Variants in DLG2 observed in about 807,000 individuals in gnomAD.
DLG2 encodes discs large MAGUK scaffold protein 2, also known as disks large homolog 2.
A neutral mutation model predicts 132.5 loss-of-function variants in DLG2; 45 were observed. That is an observed-to-expected ratio of 0.34 (90% CI 0.27 to 0.44). DLG2 has a LOEUF of 0.44. Ranked by LOEUF, DLG2 falls within the 20% of genes least tolerant of loss-of-function variation. The probability of loss-of-function intolerance (pLI) is 1.00; values close to 1 mark genes in which losing one functional copy is unlikely to be tolerated. For synonymous variants in DLG2, 424 were observed against 419.6 expected, an observed-to-expected ratio of 1.01 and a Z score of -0.13; for missense variants, 1,045 against 1,196.9, an observed-to-expected ratio of 0.87 and a Z score of 1.87.
At chr11:83,962,760 A>G in intron 14 of DLG2, 125 bp downstream of exon 14, 1 of 1,249,484 alleles carries the variant, frequency 8.0e-7, no homozygotes, top group South Asian at 1.5e-5. Flanking sequence ...AGGCAAAACT[A>G]CAATAAGGTT....
chr11:84,364,365 C>A (rs2098669067), intron 7 of DLG2, among the ~76,000 whole-genome samples: 1 of 152,034 alleles, frequency 6.6e-6, no homozygotes, highest in Non-Finnish European at 1.5e-5. Flanking sequence ...GATTTTGTAT[C>A]CTGAGACTTT....
chr11:85,222,572 T>G (rs1248792106), intron 4 of DLG2, among the ~76,000 whole-genome samples: 3 of 152,168 alleles, frequency 2.0e-5, no homozygotes, highest in Admixed American at 6.6e-5. Flanking sequence ...GTATTTTAGA[T>G]AAGGAAAGTG....
rs139821596 is a variant in DLG2 at position 83,633,255 on chromosome 11, C to T, written c.1896G>A (p.Gly632=). The T allele has an allele frequency of 6.2e-7, 1 of 1,613,698 alleles. No individual in the cohort carries two copies. The highest frequency in any genetic ancestry group is 8.5e-7 in the Non-Finnish European group (1 of 1,179,752). The part of the protein sequence containing the change: ...EQMMNHSMSS[G]SGSLRTNQKR... ...TCTGATTGGTTCGCAGGGATCCGGA[C>T]CCGGAGCTCATGCTGTGGTTCATCA... The change falls in exon 19 of 28, where the codon GGG becomes GGA. Residue 632 remains glycine, a synonymous_variant. Coordinates refer to ENST00000376104, the MANE Select transcript of DLG2 (RefSeq NM_001142699.3).
chr11:85,175,207 A>C (rs2152500864), intron 4 of DLG2, among the ~76,000 whole-genome samples: 1 of 152,336 alleles, frequency 6.6e-6, no homozygotes, highest in South Asian at 2.1e-4. Context: ...CATCGATGCA[A>C]AAATCCTCAA....
intron 6 of DLG2, among the ~76,000 whole-genome samples, chr11:85,017,472 G>A (rs1450316332): frequency 1.3e-5 from 2 of 151,640 alleles, no homozygotes; most frequent in Non-Finnish European, 2.9e-5. Context: ...AATTTTAAAT[G>A]CCTAATCCTA....
intron 3 of DLG2, among the ~76,000 whole-genome samples, chr11:85,557,678 A>G (rs1565682414): frequency 6.6e-6 from 1 of 151,876 alleles, no homozygotes; most frequent in African/African-American, 2.4e-5. Flanking sequence ...GATCTTTGAC[A>G]AAGTCCAGCA....
At chr11:83,785,158 C>T (rs1594321003) in intron 18 of DLG2, among the ~76,000 whole-genome samples, 2 of 151,970 alleles carry the variant, frequency 1.3e-5, no homozygotes, top group Non-Finnish European at 1.5e-5. Flanking sequence ...GGGTTCATGC[C>T]GTTCTCCTGC....
intron 6 of DLG2, among the ~76,000 whole-genome samples, chr11:84,588,685 T>C (rs1035226422): frequency 1.3e-5 from 2 of 149,922 alleles, no homozygotes; most frequent in East Asian, 4.0e-4. Flanking sequence ...TGGCACAAGA[T>C]ACAGGTCATA....
intron 3 of DLG2, among the ~76,000 whole-genome samples, chr11:85,415,081 A>G (rs566092277): frequency 1.3e-5 from 2 of 151,574 alleles, no homozygotes; most frequent in Non-Finnish European, 2.9e-5. Context: ...TCATTGATCA[A>G]CTCCCACTTA....
intron 6 of DLG2, among the ~76,000 whole-genome samples, chr11:84,641,386 T>C (rs1047766100): frequency 1.3e-5 from 2 of 152,254 alleles, no homozygotes; most frequent in Non-Finnish European, 1.5e-5. Context: ...TTAGCTACTA[T>C]TGACTTCCTT....
At chr11:83,728,062 T>C (rs1434603500) in intron 18 of DLG2, among the ~76,000 whole-genome samples, 3 of 152,154 alleles carry the variant, frequency 2.0e-5, no homozygotes, top group African/African-American at 7.2e-5. Context: ...AGGCACCAAA[T>C]CCCATTAATC....
At chr11:84,803,861 G>A (rs2075702172) in intron 6 of DLG2, among the ~76,000 whole-genome samples, 2 of 152,096 alleles carry the variant, frequency 1.3e-5, no homozygotes, top group African/African-American at 4.8e-5. Context: ...ACTTCTTCAT[G>A]AGAACAGAGA....
chr11:85,339,659 A>G (rs2082353558), intron 3 of DLG2, among the ~76,000 whole-genome samples: 1 of 152,154 alleles, frequency 6.6e-6, no homozygotes, highest in South Asian at 2.1e-4. Context: ...TTCTGTTCTT[A>G]TATTTTTCAA....
chr11:85,009,025 A>C (rs932712697), intron 6 of DLG2, among the ~76,000 whole-genome samples: 1 of 152,060 alleles, frequency 6.6e-6, no homozygotes, highest in Non-Finnish European at 1.5e-5. Context: ...TGACAAATAC[A>C]AAAGTCCTAA....
At chr11:83,858,422 A>G (rs2060900560) in intron 16 of DLG2, among the ~76,000 whole-genome samples, 1 of 152,188 alleles carries the variant, frequency 6.6e-6, no homozygotes, top group South Asian at 2.1e-4. Flanking sequence ...AAAAGAAAAA[A>G]TCAGAGGAAT....
intron 9 of DLG2, among the ~76,000 whole-genome samples, chr11:84,150,132 T>C (rs1197863394): frequency 6.6e-6 from 1 of 152,182 alleles, no homozygotes; most frequent in Non-Finnish European, 1.5e-5. Flanking sequence ...GGTATTGAAT[T>C]TGTAAACCAC....
chr11:85,122,578 A>C (rs1374191366), intron 5 of DLG2, among the ~76,000 whole-genome samples: 1 of 152,152 alleles, frequency 6.6e-6, no homozygotes, highest in African/African-American at 2.4e-5. Context: ...CTTGAAGGGC[A>C]GTGCTTCTCA....
intron 18 of DLG2, among the ~76,000 whole-genome samples, chr11:83,746,151 T>C (rs1333169567): frequency 6.6e-6 from 1 of 152,206 alleles, no homozygotes; most frequent in Non-Finnish European, 1.5e-5. Flanking sequence ...AGTTCAACCA[T>C]TGTGGAAGAC....
chr11:84,752,281 T>A (rs2066226433), intron 6 of DLG2, among the ~76,000 whole-genome samples: 1 of 152,144 alleles, frequency 6.6e-6, no homozygotes, highest in Non-Finnish European at 1.5e-5. Flanking sequence ...GTGCTGGGAA[T>A]ATAGTGGTAA....
Sources: allele counts gnomAD v4.1 joint callset (sites outside exome capture counted in the v4.1 genomes callset), GRCh38; gene constraint gnomAD v4.1.1; transcripts MANE v1.5; gene names NCBI Gene and HGNC (gene_info 2026-07-23, HGNC 2026-07-21).